CYP11A1: variants seen among roughly 807,000 people sequenced by gnomAD.
CYP11A1 encodes the protein cholesterol side-chain cleavage enzyme, mitochondrial.
A neutral mutation model predicts 51.9 loss-of-function variants in CYP11A1; 25 were observed. The observed-to-expected ratio is 0.48, with a 90% CI of 0.35 to 0.67. CYP11A1 has a LOEUF of 0.67. Ranked by LOEUF, CYP11A1 falls within the 30% of genes least tolerant of loss-of-function variation. CYP11A1 has a pLI of 0.00. For synonymous variants in CYP11A1, 245 were observed against 262.1 expected (o/e 0.93, Z 0.63); for missense variants, 578 against 680.9 (o/e 0.85, Z 1.68).
chr15:74,359,844 T>G (rs1411500326), intron 1 of CYP11A1, among the ~76,000 whole-genome samples: 1 of 151,952 alleles, frequency 6.6e-6, no homozygotes, highest in Non-Finnish European at 1.5e-5. Flanking sequence ...TATGAGTCAG[T>G]CTCTGGGCTC....
chr15:74,352,638 C>A (rs567142724), intron 1 of CYP11A1, among the ~76,000 whole-genome samples: 1 of 152,262 alleles, frequency 6.6e-6, no homozygotes, highest in African/African-American at 2.4e-5. Flanking sequence ...TTCAAAGTCT[C>A]ACTGAGATAA....
At chr15:74,361,829 A>G in intron 1 of CYP11A1, 1 of 1,169,278 alleles carries the variant, frequency 8.6e-7, no homozygotes, top group South Asian at 1.2e-5. Flanking sequence ...TAAGGCATAC[A>G]CGTCCTGGCA....
chr15:74,365,132 A>G (rs1052259382), intron 1 of CYP11A1, among the ~76,000 whole-genome samples: 2 of 151,930 alleles, frequency 1.3e-5, no homozygotes, highest in East Asian at 1.9e-4. Flanking sequence ...AGGAAAACGT[A>G]CTGTCCCTCC....
intron 5 of CYP11A1, 73 bp from the exon 6 acceptor site, chr15:74,339,826 A>G (rs779516055): frequency 2.3e-4 from 331 of 1,465,508 alleles, no homozygotes; most frequent in Non-Finnish European, 3.0e-4. Flanking sequence ...CCTTGACCCC[A>G]TGGTAAATTT....
chr15:74,352,308 C>T (rs1395117736), intron 1 of CYP11A1, among the ~76,000 whole-genome samples: 1 of 125,504 alleles, frequency 8.0e-6, no homozygotes, highest in Non-Finnish European at 1.6e-5. Context: ...CTCACTCTGT[C>T]ACCCAGGCTA....
intron 5 of CYP11A1, among the ~76,000 whole-genome samples, chr15:74,340,201 G>A (rs1309572863): frequency 6.6e-6 from 1 of 152,210 alleles, no homozygotes; most frequent in Admixed American, 6.5e-5. Context: ...AAAACCTTAG[G>A]CTTCACCTAT....
intron 1 of CYP11A1, chr15:74,365,640 CT>C: frequency 1.0e-6 from 1 of 978,982 alleles, no homozygotes; most frequent in Non-Finnish European, 1.2e-6. Context: ...AATACTTTCC[CT>C]TTTACCCACC....
At chr15:74,365,975 A>AG in intron 1 of CYP11A1, 1 of 831,650 alleles carries the variant, frequency 1.2e-6, no homozygotes, top group Non-Finnish European at 1.3e-6. Flanking sequence ...GGGACCTAGG[A>AG]CCTGCGGTGG....
intron 1 of CYP11A1, among the ~76,000 whole-genome samples, chr15:74,360,997 G>GT (rs1232791059): frequency 6.6e-6 from 1 of 152,168 alleles, no homozygotes; most frequent in Non-Finnish European, 1.5e-5. Context: ...AGTGTTGGGG[G>GT]TTTTTTTGTG....
Position 74,345,878 on chromosome 15 carries a change from T to C in CYP11A1, c.426-635A>G, listed in dbSNP as rs1319714871. ...ATTATCACAAACTTACCACCCACCA[T>C]AGAAACTAGGAACTTGACAGTAACT... On this transcript the variant is annotated intron_variant, in intron 2 of 8. Transcript: ENST00000268053. The surrounding 1 kb of genome is among the most constrained non-coding windows in gnomAD (Gnocchi z 4.3). Among the ~76,000 whole-genome samples the C allele has an allele frequency of 2.0e-5, 3 of 152,194 alleles. No homozygotes were observed. Among genetic ancestry groups the C allele is most frequent in the East Asian group, 3.8e-4 (2 of 5,198 alleles).
At chr15:74,346,800 C>CTTTTTT (rs1046360822) in intron 2 of CYP11A1, among the ~76,000 whole-genome samples, 2 of 131,734 alleles carry the variant, frequency 1.5e-5, no homozygotes, top group Non-Finnish European at 1.6e-5. Flanking sequence ...CTTTTCTTTT[C>CTTTTTT]TTTTTTTTTT....
intron 1 of CYP11A1, chr15:74,365,702 C>T (rs2060729041): frequency 1.0e-6 from 1 of 985,518 alleles, no homozygotes; most frequent in Non-Finnish European, 1.2e-6. Flanking sequence ...GAGGTCCGGC[C>T]GCGCGGACGT....
intron 1 of CYP11A1, among the ~76,000 whole-genome samples, chr15:74,349,691 C>A (rs190645630): frequency 2.4e-4 from 36 of 152,078 alleles, no homozygotes; most frequent in Admixed American, 2.4e-3. Context: ...AGCCTCATGT[C>A]TAACAGCAAA....
Position 74,345,868 on chromosome 15 carries a change from C to T in CYP11A1, c.426-625G>A, listed in dbSNP as rs2060630384. Reference sequence around the variant, plus strand: ...TGATAAGAATATTATCACAAACTTACCACCCACCATAGAAACTAGGAACTT... The same window carrying T: ...TGATAAGAATATTATCACAAACTTATCACCCACCATAGAAACTAGGAACTT... On this transcript the variant is annotated intron_variant, in intron 2 of 8. Coordinates refer to ENST00000268053, the MANE Select transcript of CYP11A1 (RefSeq NM_000781.3). This position sits in a 1 kb window ranked among gnomAD's most constrained non-coding sequence, Gnocchi z 4.3. Among the ~76,000 whole-genome samples, 1 of 152,140 alleles carries T rather than the reference C, an allele frequency of 6.6e-6. No homozygotes were observed.
chr15:74,339,383 C>A, intron 6 of CYP11A1, 68 bp from the exon 7 acceptor site: 1 of 1,500,634 alleles, frequency 6.7e-7, no homozygotes, highest in South Asian at 1.1e-5. Context: ...AGCCCCACAC[C>A]CTGTGTGGCA....
intron 1 of CYP11A1, chr15:74,359,439 G>A (rs906249668): frequency 6.6e-5 from 10 of 152,350 alleles, no homozygotes; most frequent in South Asian, 2.0e-4. Context: ...TGACCTGCAC[G>A]TATGCACCCA....
In CYP11A1 at chr15:74,348,046, G is replaced by C; in HGVS notation, c.279C>G (p.Leu93=). The change falls in exon 2 of 9, where the codon CTC becomes CTG. Residue 93 remains leucine, a synonymous_variant. Transcript: ENST00000268053. The part of the protein sequence containing the change: ...QKYGPIYREK[L]GNVESVYVID... The stretch of plus-strand genomic sequence containing the variant: ...TGACATAAACCGACTCCACGTTGCC[G>C]AGCTTCTCCCTGGAGGGGTGGGGGA... The C allele has an allele frequency of 2.5e-6, 4 of 1,614,094 alleles. No individual in the cohort carries two copies. The highest frequency in any genetic ancestry group is 3.4e-6 in the Non-Finnish European group (4 of 1,180,012).
chr15:74,365,582 A>AG (rs2060728453), intron 1 of CYP11A1: 4 of 708,886 alleles, frequency 5.6e-6, no homozygotes. Flanking sequence ...AGAGTTTCAA[A>AG]GGGAGTGGGA....
At chr15:74,338,365 AG>A in intron 8 of CYP11A1, 1 of 714,436 alleles carries the variant, frequency 1.4e-6, no homozygotes, top group Middle Eastern at 3.8e-4. Flanking sequence ...ATGGATGGCC[AG>A]GGGCATCAGT....
Sources: gnomAD v4.1 joint callset for allele counts (sites outside exome capture counted in the v4.1 genomes callset) on GRCh38, gnomAD v4.1.1 for gene constraint, Gnocchi (gnomAD v3.1) non-coding constraint, MANE v1.5 for transcripts, NCBI Gene and HGNC (gene_info 2026-07-23, HGNC 2026-07-21) for gene names.